HAGH: variants seen among roughly 807,000 people sequenced by gnomAD.
The protein encoded by HAGH is hydroxyacylglutathione hydrolase.
In HAGH, 29 loss-of-function variants were observed where a neutral mutation model predicts 35.1. The ratio of observed to expected loss-of-function variants is 0.83; its 90% CI spans 0.62 to 1.13. The LOEUF is 1.13. Among genes scored for constraint, HAGH ranks in the 50% most tolerant of loss-of-function variants. The pLI is 0.00. For missense variants in HAGH, 478 were observed against 419.6 expected (o/e 1.14, Z -1.22); for synonymous variants, 225 against 176.1 (o/e 1.28, Z -2.20).
At chr16:1,814,666 G>A (rs187807665) in intron 7 of HAGH, among the ~76,000 whole-genome samples, 6,390 of 149,736 alleles carry the variant, frequency 0.043, 167 homozygotes, top group Non-Finnish European at 0.057. Context: ...TTGGGAGGCC[G>A]AGGCGGGTGG....
In HAGH at chr16:1,809,960, T is replaced by C. The variant is rs1040184416; in HGVS notation, c.748-127A>G. Reference sequence around the variant, plus strand: ...AGATGGATCACTTGAGCCCTGGAGTTTGAGACCAGCCTGGACAACATGGCG... The same window carrying C: ...AGATGGATCACTTGAGCCCTGGAGTCTGAGACCAGCCTGGACAACATGGCG... On this transcript the variant is annotated intron_variant, in intron 7 of 8. Coordinates refer to ENST00000397356, the MANE Select transcript of HAGH (RefSeq NM_005326.6). 3.1e-5 allele frequency: 22 copies of C among 702,796 alleles called. No individual in the cohort carries two copies. In the African/African-American group the frequency reaches 3.8e-4, roughly 12 times the overall value. The allele number at this position is 702,796 out of a possible 1,614,324, so 43.5% of individuals were successfully genotyped here. A position where few individuals can be genotyped will look rare whatever the true frequency, so the allele number is the denominator to read the frequency against.
At chr16:1,812,711 T>G (rs1038751838) in intron 7 of HAGH, among the ~76,000 whole-genome samples, 1 of 152,166 alleles carries the variant, frequency 6.6e-6, no homozygotes, top group Admixed American at 6.5e-5. Context: ...CAAAAAAGAA[T>G]GAAGCATAAA....
At chr16:1,822,213 G>A (rs921987308) in intron 3 of HAGH, 87 bp downstream of exon 3, 11 of 814,650 alleles carry the variant, frequency 1.4e-5, no homozygotes, top group African/African-American at 5.0e-5. Context: ...ACAGAGCCGT[G>A]GGGGGAGACA....
intron 1 of HAGH, among the ~76,000 whole-genome samples, chr16:1,826,311 G>A (rs1369364748): frequency 1.3e-5 from 2 of 150,696 alleles, no homozygotes; most frequent in Non-Finnish European, 3.0e-5. Flanking sequence ...CCGCGAGACC[G>A]CGGTCCTTGC....
chr16:1,815,285 G>A (rs1213931065), intron 7 of HAGH, among the ~76,000 whole-genome samples: 1 of 152,138 alleles, frequency 6.6e-6, no homozygotes, highest in African/African-American at 2.4e-5. Context: ...TTGGAAAACG[G>A]TTCACACCTT....
At chr16:1,825,637 G>T (rs980322429) in intron 1 of HAGH, among the ~76,000 whole-genome samples, 4 of 152,134 alleles carry the variant, frequency 2.6e-5, no homozygotes, top group African/African-American at 7.2e-5. Flanking sequence ...GCAGTGGTGC[G>T]ATCAAGGGTC....
chr16:1,816,086 G>A (rs958341470), intron 7 of HAGH, among the ~76,000 whole-genome samples: 11 of 149,198 alleles, frequency 7.4e-5, no homozygotes, highest in East Asian at 2.1e-4. Context: ...GATTACAAGC[G>A]TGAGCCACCA....
Position 1,810,146 on chromosome 16 carries a change from C to T in HAGH, c.748-313G>A, listed in dbSNP as rs760460573. On this transcript the variant is annotated intron_variant, in intron 7 of 8. Transcript: ENST00000397356. ...TACTGCCCTCCAGCCTGGGTGACAG[C>T]GACATCACGTCTCAAAAAATGCTTC... The T allele has an allele frequency of 1.5e-3, 419 of 275,472 alleles. 2 individuals carry two copies. The highest frequency in any genetic ancestry group is 2.0e-3 in the Non-Finnish European group (302 of 149,778). The allele number at this position is 275,472 out of a possible 1,614,324, so 17.1% of individuals were successfully genotyped here.
At position 1,822,381 on chromosome 16, in the gene HAGH, G is replaced by A; in HGVS notation, c.250-17C>T. 2 of 1,593,584 alleles carry A rather than the reference G, an allele frequency of 1.3e-6. No homozygotes were observed. Among genetic ancestry groups the A allele is most frequent in the Non-Finnish European group, 1.7e-6 (2 of 1,164,276 alleles). On this transcript the variant is annotated splice_polypyrimidine_tract_variant and intron_variant, in intron 2 of 8. Transcript: ENST00000397356. Reference sequence around the variant, plus strand: ...GTCCACGACCTGCAGTGGCCCCGGGGAAGGACAAAGGCCTGTCACACTCCT... The same window carrying A: ...GTCCACGACCTGCAGTGGCCCCGGGAAAGGACAAAGGCCTGTCACACTCCT...
chr16:1,826,730 A>AGGCGGCTCCCAGCGCGGCGAGGCTGC lies in HAGH; in HGVS notation c.32_57dup (p.Cys20AlafsTer32). On this transcript the variant is annotated frameshift_variant, in exon 1 of 9. Coordinates refer to ENST00000397356, the MANE Select transcript of HAGH (RefSeq NM_005326.6). LOFTEE classifies it high-confidence loss of function. ...CACCCACCGAGGCCTCGGCGGGCGC[A>AGGCGGCTCCCAGCGCGGCGAGGCTGC]GGCGGCTCCCAGCGCGGCGAGGCTG... 10 of 1,163,902 alleles carry AGGCGGCTCCCAGCGCGGCGAGGCTGC rather than the reference A, an allele frequency of 8.6e-6. No homozygotes were observed. The highest frequency in any genetic ancestry group is 1.1e-5 in the Non-Finnish European group (10 of 945,210). 72.1% of individuals were successfully genotyped at this position (1,163,902 alleles called of 1,614,324 possible). A position where few individuals can be genotyped will look rare whatever the true frequency, so the allele number is the denominator to read the frequency against.
rs768039195 is a variant in HAGH at position 1,820,028 on chromosome 16, A to C, written c.315-14T>G. On this transcript the variant is annotated splice_polypyrimidine_tract_variant and intron_variant, in intron 3 of 8. Transcript: ENST00000397356. ...CCAGCATGGTCCCTAGAAGTCAAACAGGAGACCTGGGCTGCCTGCTGAGCT... is the reference window on the plus strand; with the variant it reads ...CCAGCATGGTCCCTAGAAGTCAAACCGGAGACCTGGGCTGCCTGCTGAGCT... The C allele has an allele frequency of 6.4e-7, 1 of 1,556,122 alleles. No individual in the cohort carries two copies. Among genetic ancestry groups the C allele is most frequent in the Non-Finnish European group, 8.8e-7 (1 of 1,131,406 alleles).
chr16:1,825,418 G>C (rs1461152286), intron 1 of HAGH, among the ~76,000 whole-genome samples: 1 of 152,202 alleles, frequency 6.6e-6, no homozygotes, highest in Admixed American at 6.5e-5. Context: ...GCCAACACCA[G>C]CAGAAACCGT....
chr16:1,819,679 G>GTC (rs1486763502), intron 4 of HAGH, among the ~76,000 whole-genome samples: 1 of 152,200 alleles, frequency 6.6e-6, no homozygotes, highest in African/African-American at 2.4e-5. Flanking sequence ...GCTCCCCAGG[G>GTC]TCTCAGAGCC....
chr16:1,810,106 G>A (rs1456243276), intron 7 of HAGH: 1 of 447,654 alleles, frequency 2.2e-6, no homozygotes, highest in African/African-American at 2.0e-5. Context: ...AGGCTACAGT[G>A]AGCCAAGACT....
At chr16:1,811,638 G>A (rs888090043) in intron 7 of HAGH, among the ~76,000 whole-genome samples, 11 of 150,810 alleles carry the variant, frequency 7.3e-5, no homozygotes, top group Non-Finnish European at 1.3e-4. Context: ...GCTTGAACCC[G>A]GGAGGCGGAG....
chr16:1,814,462 G>A (rs112138636), intron 7 of HAGH, among the ~76,000 whole-genome samples: 5,188 of 137,246 alleles, frequency 0.038, 319 homozygotes, highest in African/African-American at 0.13. Context: ...CAACAAGAGT[G>A]AAACTCCGTC....
Position 1,826,732 on chromosome 16 carries a change from G to C in HAGH, c.56C>G (p.Ala19Gly). The C allele has an allele frequency of 1.7e-6, 2 of 1,172,610 alleles. No homozygotes were observed. The highest frequency in any genetic ancestry group is 1.1e-6 in the Non-Finnish European group (1 of 950,400). The allele number at this position is 1,172,610 out of a possible 1,614,324, so 72.6% of individuals were successfully genotyped here. A position where few individuals can be genotyped will look rare whatever the true frequency, so the allele number is the denominator to read the frequency against. ...CCCACCGAGGCCTCGGCGGGCGCAGGCGGCTCCCAGCGCGGCGAGGCTGCG... is the reference window on the plus strand; with the variant it reads ...CCCACCGAGGCCTCGGCGGGCGCAGCCGGCTCCCAGCGCGGCGAGGCTGCG... ...GRRSLAALGA[A>G]CARRGLGPAL... Residue 19 changes from alanine to glycine, a missense_variant, in exon 1 of 9, where the codon GCC (alanine) becomes GGC (glycine). By Grantham distance (60) the Ala-to-Gly change is moderately conservative. Transcript: ENST00000397356.
Position 1,808,932 on chromosome 16 carries a change from A to T in HAGH, c.*351T>A. The T allele has an allele frequency of 4.0e-6, 1 of 251,868 alleles. No homozygotes were observed. The highest frequency in any genetic ancestry group is 7.7e-6 in the Non-Finnish European group (1 of 130,518). The allele number at this position is 251,868 out of a possible 1,614,324, so 15.6% of individuals were successfully genotyped here. The stretch of plus-strand genomic sequence containing the variant: ...AGGCTGCAAAGGTACCGACCGCAGC[A>T]GTGGGCCTGACAGTCCCATCAGCAC... On this transcript the variant is annotated 3_prime_UTR_variant, in exon 9 of 9. Transcript: ENST00000397356.
At chr16:1,822,261 A>G (rs1432386407) in intron 3 of HAGH, 39 bp downstream of exon 3, 1 of 1,405,986 alleles carries the variant, frequency 7.1e-7, no homozygotes. Context: ...GCGAGAAGTG[A>G]GCCAGGTCCC....
Sources: allele counts gnomAD v4.1 joint callset (sites outside exome capture counted in the v4.1 genomes callset), GRCh38; gene constraint gnomAD v4.1.1; transcripts MANE v1.5; gene names NCBI Gene and HGNC (gene_info 2026-07-23, HGNC 2026-07-21).